The following FREM2 variants were observed in gnomAD, a reference collection of about 807,000 sequenced individuals.
FREM2 encodes the protein FRAS1-related extracellular matrix protein 2.
A neutral mutation model predicts 219.9 loss-of-function variants in FREM2; 119 were observed. The observed-to-expected ratio is 0.54, with a 90% confidence interval of 0.47 to 0.63. The LOEUF (loss-of-function observed/expected upper bound fraction) is 0.63, where lower values mean the gene tolerates loss of function less well. Ranked by LOEUF, FREM2 falls within the 30% of genes least tolerant of loss-of-function variation. The pLI is 0.00. For synonymous variants in FREM2, 1,562 were observed against 1,522.8 expected, an observed-to-expected ratio of 1.03 and a Z score of -0.60; for missense variants, 4,030 against 3,993.6, an observed-to-expected ratio of 1.01 and a Z score of -0.25.
At position 38,856,247 on chromosome 13, in the gene FREM2, A is replaced by G. The variant is rs752660863; in HGVS notation, c.7047A>G (p.Ala2349=). 2.5e-6 allele frequency: 4 copies of G among 1,612,170 alleles called. No individual in the cohort carries two copies. The highest frequency in any genetic ancestry group is 1.7e-5 in the Admixed American group (1 of 59,958). ...TAAAACCTGATGAAAATATGATAGC[A>G]GAGATGCAGGTAAGTAATGTAATGT... The part of the protein sequence containing the change: ...VHLKPDENMI[A]EMQLTKAIVY... The change falls in exon 12 of 24, where the codon GCA becomes GCG. Residue 2349 remains alanine (A), a synonymous_variant. Coordinates refer to ENST00000280481, the MANE Select transcript of FREM2 (RefSeq NM_207361.6).
intron 6 of FREM2, among the ~76,000 whole-genome samples, chr13:38,820,960 A>G (rs1345282449): frequency 6.6e-6 from 1 of 152,196 alleles, no homozygotes; most frequent in East Asian, 1.9e-4. Context: ...TTAGAATGAA[A>G]TATTAAGAAA....
At position 38,773,461 on chromosome 13, in the gene FREM2, G is replaced by T. The variant is rs542198275; in HGVS notation, c.5641+3653G>T. ...GCTTGAGCGCAGTGGAGCTATCATA[G>T]CTTGCTGCATCCCCAAACTCCTGGG... On this transcript the variant is annotated intron_variant, in intron 4 of 23. Transcript: ENST00000280481. 5.9e-5 allele frequency among the ~76,000 whole-genome samples: 9 copies of T among 152,200 alleles called. No individual in the cohort carries two copies. The East Asian group carries it at 1.7e-3, about 29-fold the overall frequency.
intron 14 of FREM2, 95 bp downstream of exon 14, chr13:38,859,685 A>G: frequency 1.8e-6 from 2 of 1,125,028 alleles, no homozygotes; most frequent in African/African-American, 1.5e-5. Flanking sequence ...AATGTCCCAC[A>G]TATTCCATAT....
intron 7 of FREM2, 82 bp downstream of exon 7, chr13:38,846,804 C>G: frequency 6.8e-7 from 1 of 1,461,424 alleles, no homozygotes; most frequent in Non-Finnish European, 9.6e-7. Flanking sequence ...AGCTGAAATA[C>G]TTCACTTCTA....
chr13:38,728,733 T>C (rs1871640630), intron 2 of FREM2, among the ~76,000 whole-genome samples: 1 of 152,162 alleles, frequency 6.6e-6, no homozygotes, highest in African/African-American at 2.4e-5. Flanking sequence ...TTTTTATGAA[T>C]ATATTCTACA....
At chr13:38,746,905 G>C (rs1201155818) in intron 2 of FREM2, among the ~76,000 whole-genome samples, 1 of 152,188 alleles carries the variant, frequency 6.6e-6, no homozygotes, top group African/African-American at 2.4e-5. Context: ...CGATTTGGCA[G>C]CATTTCCTGG....
At chr13:38,830,442 C>T (rs953875142) in intron 6 of FREM2, among the ~76,000 whole-genome samples, 2 of 152,160 alleles carry the variant, frequency 1.3e-5, no homozygotes, top group African/African-American at 4.8e-5. Context: ...CTCTGAATTG[C>T]ACTTTCCCCT....
chr13:38,735,663 T>C (rs1435053168), intron 2 of FREM2, among the ~76,000 whole-genome samples: 2 of 152,098 alleles, frequency 1.3e-5, no homozygotes, highest in Non-Finnish European at 2.9e-5. Context: ...TAGCATACAA[T>C]AATGAGGAGT....
chr13:38,722,473 A>G, intron 2 of FREM2, among the ~76,000 whole-genome samples: 1 of 151,764 alleles, frequency 6.6e-6, no homozygotes, highest in Middle Eastern at 3.2e-3. Flanking sequence ...TAGACATCTG[A>G]CCTCTTTTTT....
At chr13:38,732,201 A>G (rs1871793811) in intron 2 of FREM2, among the ~76,000 whole-genome samples, 1 of 152,220 alleles carries the variant, frequency 6.6e-6, no homozygotes, top group Admixed American at 6.6e-5. Context: ...ATATCTTAGT[A>G]GTCTTTTCAA....
chr13:38,741,755 T>C (rs934463924), intron 2 of FREM2, among the ~76,000 whole-genome samples: 2 of 152,214 alleles, frequency 1.3e-5, no homozygotes, highest in East Asian at 3.8e-4. Flanking sequence ...GTAATCGTTA[T>C]GTATCTGTGG....
chr13:38,880,028 A>G (rs763094500), intron 23 of FREM2, among the ~76,000 whole-genome samples: 1 of 152,232 alleles, frequency 6.6e-6, no homozygotes, highest in Non-Finnish European at 1.5e-5. Flanking sequence ...TAATCTATTA[A>G]TAGTTCTTTA....
rs1869488795 is a variant in FREM2, at chr13:38,687,183, C to G, written c.-162C>G. ...GCTGCGGCTCCAGCCCGGACGGCGC[C>G]GCGCAACTTTGCCATCCTTCTGGCC... is the stretch of plus-strand genomic sequence containing the variant. On this transcript the variant is annotated 5_prime_UTR_variant, in exon 1 of 24. Transcript: ENST00000280481. 2 of 1,012,890 alleles carry G rather than the reference C, an allele frequency of 2.0e-6. No homozygotes were observed. Among genetic ancestry groups the G allele is most frequent in the Admixed American group, 2.3e-5 (1 of 43,130 alleles). The allele number at this position is 1,012,890 out of a possible 1,614,324, so 62.7% of individuals were successfully genotyped here.
At chr13:38,755,529 G>A (rs959665929) in intron 2 of FREM2, among the ~76,000 whole-genome samples, 4 of 152,220 alleles carry the variant, frequency 2.6e-5, no homozygotes, top group Admixed American at 6.5e-5. Flanking sequence ...AATACATCCA[G>A]GAGCCTGGGC....
chr13:38,797,179 A>G (rs1380004575), intron 6 of FREM2, among the ~76,000 whole-genome samples: 6 of 151,996 alleles, frequency 3.9e-5, no homozygotes, highest in Non-Finnish European at 8.8e-5. Context: ...CCAGCTTACT[A>G]TACTGTTTTT....
intron 16 of FREM2, among the ~76,000 whole-genome samples, chr13:38,866,646 A>G (rs978568926): frequency 6.7e-6 from 1 of 150,252 alleles, no homozygotes; most frequent in African/African-American, 2.5e-5. Context: ...CAGCCTGGGC[A>G]ACAAGAGTGA....
intron 2 of FREM2, among the ~76,000 whole-genome samples, chr13:38,759,597 A>G (rs1873151231): frequency 6.6e-6 from 1 of 152,198 alleles, no homozygotes; most frequent in South Asian, 2.1e-4. Flanking sequence ...GAGTGTGGTT[A>G]TCAGCTGTCA....
intron 2 of FREM2, among the ~76,000 whole-genome samples, chr13:38,714,781 T>A (rs535668914): frequency 1.3e-5 from 2 of 151,964 alleles, no homozygotes; most frequent in East Asian, 1.9e-4. Flanking sequence ...AAACTTAATT[T>A]AAAAAAAATT....
At chr13:38,740,293 A>C (rs1296179369) in intron 2 of FREM2, among the ~76,000 whole-genome samples, 1 of 152,202 alleles carries the variant, frequency 6.6e-6, no homozygotes, top group Admixed American at 6.5e-5. Flanking sequence ...CATGTTCGAG[A>C]GATATGTTAC....
Sources: gnomAD v4.1 joint callset for allele counts (sites outside exome capture counted in the v4.1 genomes callset) on GRCh38, gnomAD v4.1.1 for gene constraint, MANE v1.5 for transcripts, NCBI Gene and HGNC (gene_info 2026-07-23, HGNC 2026-07-21) for gene names.